GALNT17: variants seen among roughly 807,000 people sequenced by gnomAD.
GALNT17 encodes UDP-GalNAc:polypeptide N-acetylgalactosaminyltransferase-like 3.
A neutral mutation model predicts 63.7 loss-of-function variants in GALNT17; 29 were observed. The observed-to-expected ratio is 0.46, with a 90% CI of 0.34 to 0.62. GALNT17 has a LOEUF of 0.62. GALNT17 is among the 20% of genes least tolerant of loss of function. The pLI is 0.01. For missense variants in GALNT17, 603 were observed against 799.6 expected, an observed-to-expected ratio of 0.75 and a Z score of 2.97; for synonymous variants, 305 against 318.3, an observed-to-expected ratio of 0.96 and a Z score of 0.45.
At chr7:71,630,892 T>C (rs1584101538) in intron 6 of GALNT17, among the ~76,000 whole-genome samples, 1 of 152,250 alleles carries the variant, frequency 6.6e-6, no homozygotes, top group East Asian at 1.9e-4. Flanking sequence ...GTTAGAATAC[T>C]ACCCAAGAAT....
intron 5 of GALNT17, among the ~76,000 whole-genome samples, chr7:71,490,765 T>C (rs1232916336): frequency 1.3e-5 from 2 of 151,846 alleles, no homozygotes; most frequent in East Asian, 3.9e-4. Flanking sequence ...CCAGGCAAGG[T>C]GGCATGTGCC....
intron 3 of GALNT17, among the ~76,000 whole-genome samples, chr7:71,412,602 T>C (rs1793450327): frequency 6.6e-6 from 1 of 152,146 alleles, no homozygotes; most frequent in South Asian, 2.1e-4. Flanking sequence ...TATCACTCAG[T>C]GCCTGACACC....
rs767569261 is a variant in GALNT17 at position 71,355,714 on chromosome 7, G to A, written c.422+19981G>A. Among the ~76,000 whole-genome samples the A allele has an allele frequency of 2.7e-4, 41 of 152,030 alleles. 1 individual carries two copies. Among genetic ancestry groups the A allele is most frequent in the Non-Finnish European group, 4.1e-4 (28 of 67,996 alleles). On this transcript the variant is annotated intron_variant, in intron 2 of 10. Transcript: ENST00000333538. Reference sequence around the variant, plus strand: ...TGCCCAGCTAATTTTTGTGTTTTTGGTAGAGACAGAGTTTCTCCATGTTGG... The same window carrying A: ...TGCCCAGCTAATTTTTGTGTTTTTGATAGAGACAGAGTTTCTCCATGTTGG...
At chr7:71,638,402 G>A (rs1028830184) in intron 6 of GALNT17, among the ~76,000 whole-genome samples, 7 of 152,278 alleles carry the variant, frequency 4.6e-5, no homozygotes, top group Admixed American at 4.6e-4. Flanking sequence ...CCCTATTCAA[G>A]ATGGAGTTGC....
intron 2 of GALNT17, among the ~76,000 whole-genome samples, chr7:71,358,321 G>A (rs1792330307): frequency 2.0e-5 from 3 of 152,226 alleles, no homozygotes; most frequent in South Asian, 2.1e-4. Context: ...CTTGAACGCC[G>A]GAGGCGGAGG....
intron 5 of GALNT17, among the ~76,000 whole-genome samples, chr7:71,531,331 A>G (rs527548562): frequency 1.3e-5 from 2 of 152,014 alleles, no homozygotes; most frequent in Non-Finnish European, 2.9e-5. Context: ...AGAACACTTA[A>G]CATAAGATCT....
intron 1 of GALNT17, among the ~76,000 whole-genome samples, chr7:71,155,208 A>C (rs1331943827): frequency 6.6e-6 from 1 of 151,834 alleles, no homozygotes; most frequent in African/African-American, 2.4e-5. Context: ...CTAGCACCAC[A>C]GTTCCTTATA....
At chr7:71,203,005 CACAT>C (rs1260597388) in intron 1 of GALNT17, among the ~76,000 whole-genome samples, 4 of 152,138 alleles carry the variant, frequency 2.6e-5, no homozygotes, top group African/African-American at 7.2e-5. Flanking sequence ...CACACACACA[CACAT>C]ACATACACAC....
At chr7:71,149,449 G>A (rs1306579050) in intron 1 of GALNT17, among the ~76,000 whole-genome samples, 3 of 152,062 alleles carry the variant, frequency 2.0e-5, no homozygotes, top group African/African-American at 7.2e-5. Context: ...TTGCTCGGTT[G>A]GTGGCTGGGT....
At chr7:71,243,626 A>G (rs568342683) in intron 1 of GALNT17, among the ~76,000 whole-genome samples, 6 of 152,052 alleles carry the variant, frequency 3.9e-5, no homozygotes, top group Admixed American at 6.6e-5. Flanking sequence ...GCTGGACTCA[A>G]ACTCCTGAGT....
chr7:71,416,871 G>T (rs898436857), intron 4 of GALNT17, among the ~76,000 whole-genome samples: 7 of 152,106 alleles, frequency 4.6e-5, no homozygotes, highest in African/African-American at 1.7e-4. Context: ...CTGCAGATAG[G>T]CCCTGATATT....
rs76556786 is a variant in GALNT17 at position 71,377,475 on chromosome 7, G to A, written c.423-10760G>A. On this transcript the variant is annotated intron_variant, in intron 2 of 10. Transcript: ENST00000333538. The stretch of plus-strand genomic sequence containing the variant: ...GTCACTGGCCTGTGACCATGGTGTT[G>A]GGGGAGACTCACACTGACAGTGATG... 1.5e-3 allele frequency among the ~76,000 whole-genome samples: 234 copies of A among 152,178 alleles called. 1 individual carries two copies. The highest frequency in any genetic ancestry group is 5.5e-3 in the African/African-American group (227 of 41,514).
chr7:71,334,174 G>C (rs1791857035), intron 1 of GALNT17, among the ~76,000 whole-genome samples: 1 of 152,194 alleles, frequency 6.6e-6, no homozygotes, highest in Non-Finnish European at 1.5e-5. Context: ...TTCAACCTTT[G>C]CTTTTGATCT....
intron 3 of GALNT17, 71 bp downstream of exon 3, chr7:71,388,472 G>A (rs765521270): frequency 5.0e-5 from 77 of 1,544,796 alleles, no homozygotes; most frequent in East Asian, 3.2e-4. Context: ...ATTCCAACGC[G>A]AGCCCGAGCA....
At chr7:71,214,406 A>G (rs138202678) in intron 1 of GALNT17, among the ~76,000 whole-genome samples, 5 of 152,290 alleles carry the variant, frequency 3.3e-5, no homozygotes, top group African/African-American at 1.2e-4. Flanking sequence ...GTGACCTAGT[A>G]TCTCTTTTTC....
chr7:71,164,320 T>C (rs1460695653), intron 1 of GALNT17, among the ~76,000 whole-genome samples: 1 of 152,130 alleles, frequency 6.6e-6, no homozygotes, highest in African/African-American at 2.4e-5. Context: ...AGGCACGTCT[T>C]ACATGGAAGC....
At chr7:71,238,266 C>T (rs968564675) in intron 1 of GALNT17, among the ~76,000 whole-genome samples, 1 of 152,188 alleles carries the variant, frequency 6.6e-6, no homozygotes, top group African/African-American at 2.4e-5. Flanking sequence ...ATGGAGGGGA[C>T]TCTGGTTCCA....
Position 71,132,670 on chromosome 7 carries a change from A to T in GALNT17, c.-133A>T. Reference sequence around the variant, plus strand: ...CGTCTCCGCCGCCCGAGCATCCTTGAGGTGGGACGAGCAGGGGCTTGGATC... The same window carrying T: ...CGTCTCCGCCGCCCGAGCATCCTTGTGGTGGGACGAGCAGGGGCTTGGATC... On this transcript the variant is annotated 5_prime_UTR_variant, in exon 1 of 11. Coordinates refer to ENST00000333538, the MANE Select transcript of GALNT17 (RefSeq NM_022479.3). 1 of 706,748 alleles carries T rather than the reference A, an allele frequency of 1.4e-6. No individual in the cohort carries two copies. Among genetic ancestry groups the T allele is most frequent in the Non-Finnish European group, 2.3e-6 (1 of 438,740 alleles). 43.8% of individuals were successfully genotyped at this position (706,748 alleles called of 1,614,324 possible). A position where few individuals can be genotyped will look rare whatever the true frequency, so the allele number is the denominator to read the frequency against.
chr7:71,168,246 G>GA (rs1788481461), intron 1 of GALNT17, among the ~76,000 whole-genome samples: 1 of 152,082 alleles, frequency 6.6e-6, no homozygotes, highest in Non-Finnish European at 1.5e-5. Flanking sequence ...TTGTAATCAG[G>GA]TAATGCTGGT....
Sources: gnomAD v4.1 joint callset for allele counts (sites outside exome capture counted in the v4.1 genomes callset) on GRCh38, gnomAD v4.1.1 for gene constraint, MANE v1.5 for transcripts, NCBI Gene and HGNC (gene_info 2026-07-23, HGNC 2026-07-21) for gene names.